Variants in MDM2 observed in about 807,000 individuals in gnomAD.
The protein encoded by MDM2 is E3 ubiquitin-protein ligase Mdm2.
Under a neutral mutation model 64.3 loss-of-function variants are expected in MDM2, and 11 were observed. The observed-to-expected ratio is 0.17, with a 90% CI of 0.11 to 0.28. The LOEUF is 0.28. MDM2 is among the 10% of genes least tolerant of loss of function. The pLI is 1.00. For synonymous variants in MDM2, 194 were observed against 192.9 expected (o/e 1.01, Z -0.05); for missense variants, 388 against 577.1 (o/e 0.67, Z 3.36).
intron 5 of MDM2, among the ~76,000 whole-genome samples, chr12:68,823,865 C>G (rs1882077968): frequency 6.6e-6 from 1 of 152,176 alleles, no homozygotes; most frequent in Non-Finnish European, 1.5e-5. Flanking sequence ...CAGCATGAGT[C>G]CTGCTTTGGC....
chr12:68,850,317 G>A (rs1884610853), downstream of MDM2: 1 of 149,582 alleles, frequency 6.7e-6, no homozygotes, highest in East Asian at 2.0e-4. Context: ...AAATTTAAAC[G>A]TTGAAGTCTA....
At chr12:68,811,116 C>T (rs1433313194) in intron 2 of MDM2, among the ~76,000 whole-genome samples, 4 of 152,156 alleles carry the variant, frequency 2.6e-5, no homozygotes, top group Admixed American at 1.3e-4. Context: ...CTGCCTGCCT[C>T]GGCCTCCCAA....
intron 9 of MDM2, 108 bp downstream of exon 9, chr12:68,836,092 T>C: frequency 1.0e-6 from 1 of 997,112 alleles, no homozygotes; most frequent in Non-Finnish European, 1.4e-6. Flanking sequence ...TTGAAATCTT[T>C]ACCTCTTGAT....
In MDM2 at chr12:68,842,422, A is replaced by C. The variant is rs1214898040; in HGVS notation, c.*2573A>C. On this transcript the variant is annotated 3_prime_UTR_variant, in exon 11 of 11. Coordinates refer to ENST00000258149, the MANE Select transcript of MDM2 (RefSeq NM_002392.6). ...TATCTATAACCATTTCTATATTTAC[A>C]TTTGAAAATCTCCTTTGGAGACTTA... 6.4e-6 allele frequency: 3 copies of C among 470,766 alleles called. No homozygotes were observed. The highest frequency in any genetic ancestry group is 8.4e-6 in the Non-Finnish European group (2 of 237,428). The allele number at this position is 470,766 out of a possible 1,614,324, so 29.2% of individuals were successfully genotyped here. A position where few individuals can be genotyped will look rare whatever the true frequency, so the allele number is the denominator to read the frequency against.
chr12:68,829,258 G>A (rs1323713371), intron 8 of MDM2, among the ~76,000 whole-genome samples: 2 of 130,660 alleles, frequency 1.5e-5, no homozygotes, highest in Non-Finnish European at 3.3e-5. Context: ...GTATAGAGTT[G>A]TTTGAGAATT....
intron 10 of MDM2, among the ~76,000 whole-genome samples, 198 bp from the exon 11 acceptor site, chr12:68,839,076 G>T (rs895827933): frequency 3.4e-5 from 5 of 147,412 alleles, no homozygotes; most frequent in Admixed American, 3.4e-4. Flanking sequence ...TATTCTTTTA[G>T]TAAATTTCCA....
At chr12:68,825,861 T>A (rs1001679876) in intron 7 of MDM2, among the ~76,000 whole-genome samples, 3 of 152,126 alleles carry the variant, frequency 2.0e-5, no homozygotes, top group African/African-American at 7.2e-5. Flanking sequence ...AGGGCAGAGG[T>A]GTCTAGGGCA....
intron 2 of MDM2, 89 bp from the exon 3 acceptor site, chr12:68,813,465 T>G (rs1881084602): frequency 1.2e-6 from 1 of 830,594 alleles, no homozygotes; most frequent in African/African-American, 1.7e-5. Context: ...CCAAATCCCC[T>G]TTATTGAACT....
At chr12:68,833,454 G>T (rs4913469) in intron 8 of MDM2, among the ~76,000 whole-genome samples, 124,026 of 143,298 alleles carry the variant, frequency 0.87, 53,830 homozygotes, top group African/African-American at 0.93. Context: ...AATATATATA[G>T]AGAGAGATAA....
At position 68,824,808 on chromosome 12, in the gene MDM2, A is replaced by C. The variant is rs45503896; in HGVS notation, c.523+157A>C. The C allele has an allele frequency of 2.2e-3, 1,327 of 605,466 alleles. 1 individual carries two copies. Among genetic ancestry groups the C allele is most frequent in the Middle Eastern group, 7.5e-3 (17 of 2,256 alleles). 37.5% of individuals were successfully genotyped at this position (605,466 alleles called of 1,614,324 possible). A position where few individuals can be genotyped will look rare whatever the true frequency, so the allele number is the denominator to read the frequency against. Reference sequence around the variant, plus strand: ...TCATTCGTGATTTTATTTGATTTACAAATTGCTTATTTAGCAATATTTTTC... The same window carrying C: ...TCATTCGTGATTTTATTTGATTTACCAATTGCTTATTTAGCAATATTTTTC... On this transcript the variant is annotated intron_variant, in intron 7 of 10. Transcript: ENST00000258149.
Position 68,837,186 on chromosome 12 carries a change from T to C in MDM2, c.918+437T>C, listed in dbSNP as rs759410259. Among the ~76,000 whole-genome samples, 24 of 152,150 alleles carry C rather than the reference T, an allele frequency of 1.6e-4. No homozygotes were observed. In the South Asian group the frequency reaches 1.9e-3, roughly 12 times the overall value. On this transcript the variant is annotated intron_variant, in intron 10 of 10. Coordinates refer to ENST00000258149, the MANE Select transcript of MDM2 (RefSeq NM_002392.6). ...CCAGGCTGGTCATGAACTCCTGACCTCAAGTGATCTGCCCACCTTGGTCTC... is the reference window on the plus strand; with the variant it reads ...CCAGGCTGGTCATGAACTCCTGACCCCAAGTGATCTGCCCACCTTGGTCTC...
intron 3 of MDM2, chr12:68,814,492 C>T: frequency 3.8e-6 from 1 of 262,610 alleles, no homozygotes; most frequent in Non-Finnish European, 7.7e-6. Flanking sequence ...GATTTGTTGC[C>T]TACATTTATA....
chr12:68,814,683 G>C (rs1881198321), intron 3 of MDM2: 1 of 278,958 alleles, frequency 3.6e-6, no homozygotes, highest in African/African-American at 2.3e-5. Context: ...ATCTTTCTGG[G>C]ATAGAGGTGA....
At chr12:68,813,820 A>C (rs1360568270) in intron 3 of MDM2, among the ~76,000 whole-genome samples, 192 bp downstream of exon 3, 1 of 152,236 alleles carries the variant, frequency 6.6e-6, no homozygotes, top group Admixed American at 6.5e-5. Context: ...TTTCTCAGCT[A>C]GGAACTCAGA....
rs1369528556 is a variant in MDM2, at chr12:68,840,149, TTATTA to T, written c.*302_*306del. On this transcript the variant is annotated 3_prime_UTR_variant, in exon 11 of 11. Coordinates refer to ENST00000258149, the MANE Select transcript of MDM2 (RefSeq NM_002392.6). ...TATGTATATGACATTTAAATGTAAC[TTATTA>T]TTTTTTTTGAGACCGAGTCTTGCTC... The T allele has an allele frequency of 1.7e-5, 5 of 297,272 alleles. No individual in the cohort carries two copies. Among genetic ancestry groups the T allele is most frequent in the Non-Finnish European group, 3.1e-5 (5 of 160,942 alleles). The allele number at this position is 297,272 out of a possible 1,614,324, so 18.4% of individuals were successfully genotyped here.
chr12:68,836,817 A>C, intron 10 of MDM2, 68 bp downstream of exon 10: 1 of 932,388 alleles, frequency 1.1e-6, no homozygotes, highest in Non-Finnish European at 1.7e-6. Flanking sequence ...GACTATATCT[A>C]GCTTCTTTCT....
At chr12:68,822,351 C>A in intron 5 of MDM2, among the ~76,000 whole-genome samples, 1 of 135,656 alleles carries the variant, frequency 7.4e-6, no homozygotes. Context: ...GATGATTTGG[C>A]ATTTTATTGT....
intron 4 of MDM2, 110 bp from the exon 5 acceptor site, chr12:68,820,215 C>T (rs1881726073): frequency 1.3e-6 from 1 of 751,402 alleles, no homozygotes; most frequent in African/African-American, 1.8e-5. Context: ...TGAATGTGTG[C>T]AGTAGTTCAT....
chr12:68,829,382 C>T (rs1053828294), intron 8 of MDM2, among the ~76,000 whole-genome samples: 1 of 152,124 alleles, frequency 6.6e-6, no homozygotes, highest in Non-Finnish European at 1.5e-5. Flanking sequence ...TTATTACAGC[C>T]ATCAGCAAAA....
Sources: gnomAD v4.1 joint callset for allele counts (sites outside exome capture counted in the v4.1 genomes callset) on GRCh38, gnomAD v4.1.1 for gene constraint, MANE v1.5 for transcripts, NCBI Gene and HGNC (gene_info 2026-07-23, HGNC 2026-07-21) for gene names.